MGAT4C: variants seen among roughly 807,000 people sequenced by gnomAD.
MGAT4C encodes MGAT4 family member C, also known as alpha-1,3-mannosyl-glycoprotein 4-beta-N-acetylglucosaminyltransferase C.
Under a neutral mutation model 40.1 loss-of-function variants are expected in MGAT4C, and 19 were observed. The ratio of observed to expected loss-of-function variants is 0.47; its 90% CI spans 0.33 to 0.70. The LOEUF is 0.70. Among genes scored for constraint, MGAT4C ranks in the 30% least tolerant of loss-of-function variants. The pLI is 0.02. For missense variants in MGAT4C, 491 were observed against 563.2 expected (o/e 0.87, Z 1.30); for synonymous variants, 181 against 187.1 (o/e 0.97, Z 0.27).
At chr12:86,297,000 A>G (rs776815223) in intron 4 of MGAT4C, among the ~76,000 whole-genome samples, 7 of 152,250 alleles carry the variant, frequency 4.6e-5, no homozygotes, top group Non-Finnish European at 8.8e-5. Flanking sequence ...AAAAAGGCAG[A>G]TAAAGACAAG....
intron 1 of MGAT4C, among the ~76,000 whole-genome samples, chr12:86,770,684 T>C (rs1198744971): frequency 6.6e-6 from 1 of 152,074 alleles, no homozygotes; most frequent in East Asian, 1.9e-4. Flanking sequence ...TCAACTTATG[T>C]ATGAATTCTT....
intron 2 of MGAT4C, among the ~76,000 whole-genome samples, chr12:85,991,424 G>A (rs1885926917): frequency 6.6e-6 from 1 of 152,120 alleles, no homozygotes. Context: ...CAGGCTTCAG[G>A]CCTTCACCAG....
At chr12:86,279,434 T>G in intron 4 of MGAT4C, among the ~76,000 whole-genome samples, 1 of 152,140 alleles carries the variant, frequency 6.6e-6, no homozygotes, top group East Asian at 1.9e-4. Context: ...GTTTTGCAAC[T>G]GATAGGCATA....
intron 1 of MGAT4C, among the ~76,000 whole-genome samples, chr12:86,216,602 T>C (rs1237951670): frequency 3.3e-5 from 5 of 152,222 alleles, no homozygotes; most frequent in Admixed American, 3.3e-4. Flanking sequence ...ATGATGAATG[T>C]GTGTAATATT....
At chr12:86,739,253 A>G (rs978265322) in intron 1 of MGAT4C, among the ~76,000 whole-genome samples, 5 of 150,544 alleles carry the variant, frequency 3.3e-5, no homozygotes, top group African/African-American at 4.9e-5. Flanking sequence ...ACATTTTTCA[A>G]TGTTTGTAGT....
At position 86,192,762 on chromosome 12, in the gene MGAT4C, C is replaced by T. The variant is rs1383809449; in HGVS notation, c.-57+63477G>A. ...TGGTTTTTTGTCGTTTTTCTATCAACAAGTAAATGATATGTGTTAAAATCT... is the reference window on the plus strand; with the variant it reads ...TGGTTTTTTGTCGTTTTTCTATCAATAAGTAAATGATATGTGTTAAAATCT... On this transcript the variant is annotated intron_variant, in intron 1 of 4. Coordinates refer to ENST00000611864, the MANE Select transcript of MGAT4C (RefSeq NM_001351288.2). Among the ~76,000 whole-genome samples the T allele has an allele frequency of 1.3e-5, 2 of 152,212 alleles. 1 individual carries two copies.
At chr12:86,238,897 GCTGT>G (rs1294575086) in intron 1 of MGAT4C, among the ~76,000 whole-genome samples, 2 of 151,882 alleles carry the variant, frequency 1.3e-5, no homozygotes, top group Non-Finnish European at 2.9e-5. Context: ...GGGTTTTTTG[GCTGT>G]CTATCAGAAT....
chr12:86,432,193 T>C (rs977399837), intron 3 of MGAT4C, among the ~76,000 whole-genome samples: 1 of 152,046 alleles, frequency 6.6e-6, no homozygotes, highest in Non-Finnish European at 1.5e-5. Context: ...AAGAAAATAA[T>C]GTAACTACCT....
intron 2 of MGAT4C, among the ~76,000 whole-genome samples, chr12:86,649,334 A>G (rs949500263): frequency 1.3e-5 from 2 of 151,788 alleles, no homozygotes; most frequent in African/African-American, 2.4e-5. Flanking sequence ...TTGATGAGTG[A>G]GGCAAAATAT....
chr12:86,003,747 TGAAGAA>T (rs147837764), intron 2 of MGAT4C, among the ~76,000 whole-genome samples: 9,131 of 151,126 alleles, frequency 0.06, 351 homozygotes, highest in Non-Finnish European at 0.084. Flanking sequence ...TGAAGTTTTG[TGAAGAA>T]GAAGAAGAAG....
intron 2 of MGAT4C, among the ~76,000 whole-genome samples, chr12:86,638,398 A>T (rs1266757866): frequency 6.6e-6 from 1 of 151,838 alleles, no homozygotes; most frequent in African/African-American, 2.4e-5. Context: ...GCTCTATTCA[A>T]ATTCACATTT....
At chr12:86,262,098 T>G (rs1952670052) in intron 4 of MGAT4C, among the ~76,000 whole-genome samples, 1 of 152,078 alleles carries the variant, frequency 6.6e-6, no homozygotes, top group Admixed American at 6.5e-5. Flanking sequence ...CCACAATCTC[T>G]CTAGCCTTAC....
chr12:86,450,533 C>T (rs1022638092), intron 2 of MGAT4C, among the ~76,000 whole-genome samples: 3 of 151,944 alleles, frequency 2.0e-5, no homozygotes, highest in African/African-American at 7.2e-5. Flanking sequence ...TCCAATTTTT[C>T]CCTTTATACT....
chr12:86,592,933 T>A (rs532032905), intron 2 of MGAT4C, among the ~76,000 whole-genome samples: 3 of 152,200 alleles, frequency 2.0e-5, no homozygotes, highest in Non-Finnish European at 4.4e-5. Flanking sequence ...TGCATAGCAG[T>A]CATTTGTGAA....
intron 2 of MGAT4C, among the ~76,000 whole-genome samples, chr12:86,635,690 T>C (rs1290712934): frequency 6.6e-6 from 1 of 151,816 alleles, no homozygotes; most frequent in Non-Finnish European, 1.5e-5. Context: ...TGTATGTATG[T>C]TAAGATAGGA....
At chr12:86,152,058 G>A (rs575716616) in intron 1 of MGAT4C, among the ~76,000 whole-genome samples, 2 of 152,278 alleles carry the variant, frequency 1.3e-5, no homozygotes, top group East Asian at 1.9e-4. Flanking sequence ...AACTCCCTGA[G>A]AGTGCCTTCC....
chr12:86,681,345 T>C (rs1172423449), intron 2 of MGAT4C, among the ~76,000 whole-genome samples: 1 of 152,008 alleles, frequency 6.6e-6, no homozygotes, highest in African/African-American at 2.4e-5. Context: ...AATTACTTTA[T>C]AGGCTATAAC....
At chr12:86,655,986 C>T (rs1963839529) in intron 2 of MGAT4C, among the ~76,000 whole-genome samples, 1 of 151,978 alleles carries the variant, frequency 6.6e-6, no homozygotes, top group Non-Finnish European at 1.5e-5. Context: ...ACTGATGGGA[C>T]AGGCAAATCA....
intron 2 of MGAT4C, among the ~76,000 whole-genome samples, chr12:86,446,658 CATATAT>C (rs34157468): frequency 0.064 from 2,236 of 35,170 alleles, 40 homozygotes; most frequent in East Asian, 0.11. Context: ...TCATGTAACT[CATATAT>C]ATATATATAT....
Sources: gnomAD v4.1 joint callset for allele counts (sites outside exome capture counted in the v4.1 genomes callset) on GRCh38, gnomAD v4.1.1 for gene constraint, MANE v1.5 for transcripts, NCBI Gene and HGNC (gene_info 2026-07-23, HGNC 2026-07-21) for gene names.